The following CORO2B variants were observed in gnomAD, a reference collection of about 807,000 sequenced individuals.
The protein encoded by CORO2B is coronin-2B.
In CORO2B, 26 loss-of-function variants were observed where a neutral mutation model predicts 58.8. That is an observed-to-expected ratio of 0.44 (90% confidence interval 0.32 to 0.61). CORO2B has a LOEUF of 0.61. CORO2B is among the 20% of genes least tolerant of loss of function. The probability of loss-of-function intolerance (pLI) is 0.04; values close to 1 mark genes in which losing one functional copy is unlikely to be tolerated. For synonymous variants in CORO2B, 242 were observed against 253.8 expected, an observed-to-expected ratio of 0.95 and a Z score of 0.44; for missense variants, 460 against 645.1, an observed-to-expected ratio of 0.71 and a Z score of 3.11.
chr15:68,671,148 C>A (rs528239351), intron 2 of CORO2B, among the ~76,000 whole-genome samples: 2 of 152,280 alleles, frequency 1.3e-5, no homozygotes, highest in African/African-American at 4.8e-5. Context: ...TGTTCAATGG[C>A]ACAGGAAAAG....
Position 68,579,071 on chromosome 15 carries a change from G to A in CORO2B, c.-192G>A. On this transcript the variant is annotated 5_prime_UTR_variant, in exon 1 of 12. Coordinates refer to ENST00000261861, the MANE Select transcript of CORO2B (RefSeq NM_006091.5). ...TTCGGGGCTGACATCAGCGACGAGC[G>A]GCGGGCGAGCGCCGACGAGCGGTCC... The A allele has an allele frequency of 1.0e-6, 1 of 983,842 alleles. No individual in the cohort carries two copies. Among genetic ancestry groups the A allele is most frequent in the South Asian group, 4.7e-5 (1 of 21,304 alleles). 60.9% of individuals were successfully genotyped at this position (983,842 alleles called of 1,614,324 possible).
At chr15:68,681,717 G>C (rs1035532462) in intron 2 of CORO2B, among the ~76,000 whole-genome samples, 2 of 151,838 alleles carry the variant, frequency 1.3e-5, no homozygotes, top group Non-Finnish European at 2.9e-5. Context: ...ATAAGACAGA[G>C]AAAGGGGAGC....
chr15:68,565,834 T>A, the CORO2B span, among the ~76,000 whole-genome samples: 1 of 152,386 alleles, frequency 6.6e-6, no homozygotes, highest in East Asian at 1.9e-4. Flanking sequence ...CACCTCAGCC[T>A]TTGCTGATGG....
At chr15:68,597,736 A>G (rs1899875676) in intron 1 of CORO2B, among the ~76,000 whole-genome samples, 1 of 152,220 alleles carries the variant, frequency 6.6e-6, no homozygotes, top group South Asian at 2.1e-4. Flanking sequence ...GAACAAGGGC[A>G]GAGAGGAACC....
At chr15:68,637,794 G>A (rs1901078480) in intron 1 of CORO2B, among the ~76,000 whole-genome samples, 1 of 152,168 alleles carries the variant, frequency 6.6e-6, no homozygotes, top group African/African-American at 2.4e-5. Flanking sequence ...CCAGCCCTTT[G>A]ATGTGAATGT....
chr15:68,633,972 C>T (rs568512527), intron 1 of CORO2B, among the ~76,000 whole-genome samples: 3 of 152,262 alleles, frequency 2.0e-5, no homozygotes, highest in Non-Finnish European at 2.9e-5. Context: ...ACTCTGAACA[C>T]GGGATCCCGG....
intron 1 of CORO2B, among the ~76,000 whole-genome samples, chr15:68,588,847 A>G (rs962190660): frequency 2.7e-5 from 2 of 73,118 alleles, no homozygotes; most frequent in African/African-American, 9.9e-5. Flanking sequence ...ATTTTTATTT[A>G]ACTCCTGAAA....
rs1192911584 is a variant in CORO2B, at chr15:68,719,421, C to A, written c.1180C>A (p.Leu394Met). ...TCCCTTGCCTTCTTTAGATCCCGTG[C>A]TGATGTCTTTGAAAGAAGGCTATAA... ...WLGGINRDPVLMSLKEGYKKS... is the reference protein window; with the variant it reads ...WLGGINRDPVMMSLKEGYKKS... Residue 394 changes from leucine (L) to methionine (M), a missense_variant, in exon 11 of 12, where the codon CTG becomes ATG. Transcript: ENST00000261861. The A allele has an allele frequency of 6.2e-7, 1 of 1,613,798 alleles. No individual in the cohort carries two copies. Among genetic ancestry groups the A allele is most frequent in the Non-Finnish European group, 8.5e-7 (1 of 1,179,900 alleles).
chr15:68,671,619 A>G (rs1902397823), intron 2 of CORO2B, among the ~76,000 whole-genome samples: 1 of 152,224 alleles, frequency 6.6e-6, no homozygotes, highest in Non-Finnish European at 1.5e-5. Context: ...CGACTGGGGA[A>G]TATACACTTC....
At chr15:68,605,240 T>C (rs1020882009) in intron 1 of CORO2B, among the ~76,000 whole-genome samples, 1 of 152,188 alleles carries the variant, frequency 6.6e-6, no homozygotes, top group Non-Finnish European at 1.5e-5. Context: ...ACACATAAAG[T>C]AAAGTGGGAT....
intron 11 of CORO2B, among the ~76,000 whole-genome samples, chr15:68,724,127 G>A (rs568417691): frequency 3.8e-4 from 58 of 152,312 alleles, no homozygotes; most frequent in Admixed American, 2.4e-3. Flanking sequence ...CCTTGAACCC[G>A]GGAAGCGGAG....
At chr15:68,581,980 C>T (rs926757714) in intron 1 of CORO2B, among the ~76,000 whole-genome samples, 16 of 152,170 alleles carry the variant, frequency 1.1e-4, no homozygotes, top group African/African-American at 3.4e-4. Context: ...GTATGGACTG[C>T]AGGAGCTCTG....
intron 2 of CORO2B, among the ~76,000 whole-genome samples, chr15:68,669,564 A>G (rs1902315810): frequency 6.6e-6 from 1 of 152,066 alleles, no homozygotes; most frequent in South Asian, 2.1e-4. Context: ...CCCGGGACTG[A>G]CCTTGACTTT....
At chr15:68,555,783 A>T in the CORO2B span, among the ~76,000 whole-genome samples, 1 of 152,148 alleles carries the variant, frequency 6.6e-6, no homozygotes, top group Non-Finnish European at 1.5e-5. Flanking sequence ...CCTCTCTCTG[A>T]TGCTGTTTGA....
At chr15:68,598,857 C>T (rs113909343) in intron 1 of CORO2B, among the ~76,000 whole-genome samples, 1 of 152,128 alleles carries the variant, frequency 6.6e-6, no homozygotes, top group Non-Finnish European at 1.5e-5. Context: ...ACTCTGCTTG[C>T]GGGAAGCTGG....
intron 1 of CORO2B, among the ~76,000 whole-genome samples, chr15:68,636,132 A>C (rs1254294333): frequency 1.3e-5 from 2 of 152,212 alleles, no homozygotes; most frequent in African/African-American, 4.8e-5. Flanking sequence ...TGCAGGATAT[A>C]ATGAATGTAG....
intron 3 of CORO2B, among the ~76,000 whole-genome samples, chr15:68,699,311 C>A (rs536203845): frequency 3.3e-5 from 5 of 152,030 alleles, no homozygotes; most frequent in Admixed American, 1.3e-4. Flanking sequence ...TGGACCCCAC[C>A]GAGTGTGGTG....
chr15:68,567,803 CGA>C, the CORO2B span, among the ~76,000 whole-genome samples: 2 of 152,132 alleles, frequency 1.3e-5, no homozygotes, highest in Non-Finnish European at 2.9e-5. Flanking sequence ...AGGTGGATCA[CGA>C]GGTCAGGAGT....
the CORO2B span, among the ~76,000 whole-genome samples, chr15:68,549,060 TTC>T: frequency 0.15 from 22,839 of 152,162 alleles, 2,016 homozygotes; most frequent in Middle Eastern, 0.24. Context: ...CTCTTCTTCC[TTC>T]CTTTCTACAA....
Sources: gnomAD v4.1 joint callset for allele counts (sites outside exome capture counted in the v4.1 genomes callset) on GRCh38, gnomAD v4.1.1 for gene constraint, MANE v1.5 for transcripts, NCBI Gene and HGNC (gene_info 2026-07-23, HGNC 2026-07-21) for gene names.